The following ANKRD28 variants were observed in gnomAD, a reference collection of about 807,000 sequenced individuals.
The protein encoded by ANKRD28 is serine/threonine-protein phosphatase 6 regulatory ankyrin repeat subunit A.
Under a neutral mutation model 126.5 loss-of-function variants are expected in ANKRD28, and 44 were observed. The ratio of observed to expected loss-of-function variants is 0.35; its 90% CI spans 0.27 to 0.45. The LOEUF (loss-of-function observed/expected upper bound fraction) is 0.45, where lower values mean the gene tolerates loss of function less well. Ranked by LOEUF, ANKRD28 falls within the 20% of genes least tolerant of loss-of-function variation. The pLI is 1.00. For synonymous variants in ANKRD28, 442 were observed against 468.5 expected (o/e 0.94, Z 0.73); for missense variants, 1,110 against 1,316.6 (o/e 0.84, Z 2.43).
chr3:15,707,425 T>C (rs1362578917), intron 14 of ANKRD28, among the ~76,000 whole-genome samples: 1 of 152,230 alleles, frequency 6.6e-6, no homozygotes, highest in African/African-American at 2.4e-5. Context: ...AAGCAACATG[T>C]AGTACCTACT....
At chr3:15,713,447 C>G in intron 10 of ANKRD28, 80 bp downstream of exon 10, 3 of 1,053,600 alleles carry the variant, frequency 2.8e-6, no homozygotes, top group Non-Finnish European at 4.2e-6. Flanking sequence ...CACATTTCCA[C>G]GTGAAATGTC....
intron 17 of ANKRD28, among the ~76,000 whole-genome samples, chr3:15,691,055 TA>T (rs2068731597): frequency 6.6e-6 from 1 of 151,894 alleles, no homozygotes; most frequent in Admixed American, 6.6e-5. Context: ...CCTGCTTGAA[TA>T]TCACCACATA....
chr3:15,829,222 CT>C (rs2061135835), intron 1 of ANKRD28, among the ~76,000 whole-genome samples: 1 of 151,992 alleles, frequency 6.6e-6, no homozygotes, highest in Non-Finnish European at 1.5e-5. Flanking sequence ...ATATAAATAA[CT>C]TTATTAAAAT....
chr3:15,747,692 T>G (rs2057571497), intron 4 of ANKRD28, among the ~76,000 whole-genome samples: 1 of 152,242 alleles, frequency 6.6e-6, no homozygotes, highest in Non-Finnish European at 1.5e-5. Context: ...GACTGTTCTG[T>G]AAATATCTGT....
intron 1 of ANKRD28, among the ~76,000 whole-genome samples, chr3:15,822,083 C>T (rs577407442): frequency 7.2e-5 from 11 of 152,168 alleles, no homozygotes; most frequent in Non-Finnish European, 1.5e-4. Flanking sequence ...TAATAGAAAA[C>T]CTAGAGGCCA....
Position 15,814,323 on chromosome 3 carries a change from C to T in ANKRD28, c.28-19017G>A. ...CCAATCACAGGCCTGTAGCAGAAAACAGATATCAAAAGAAAGAATACGCTG... is the reference window on the plus strand; with the variant it reads ...CCAATCACAGGCCTGTAGCAGAAAATAGATATCAAAAGAAAGAATACGCTG... On this transcript the variant is annotated intron_variant, in intron 1 of 27. Coordinates refer to the ANKRD28 transcript ENST00000399451. The surrounding 1 kb of genome is among the most constrained non-coding windows in gnomAD (Gnocchi z 4.7). 4 of 1,269,240 alleles carry T rather than the reference C, an allele frequency of 3.2e-6. No individual in the cohort carries two copies. The highest frequency in any genetic ancestry group is 4.1e-6 in the Non-Finnish European group (4 of 979,520). The allele number at this position is 1,269,240 out of a possible 1,614,324, so 78.6% of individuals were successfully genotyped here. A position where few individuals can be genotyped will look rare whatever the true frequency, so the allele number is the denominator to read the frequency against.
chr3:15,795,216 G>C lies in ANKRD28; in HGVS notation c.201+7C>G. On this transcript the variant is annotated splice_region_variant and intron_variant, in intron 2 of 27. Transcript: ENST00000683139. ...AAAGGCTGGCATCAGTGAATTAACT[G>C]TTTTACCTGAAAGTTAACATCTTCT... 6.3e-7 allele frequency: 1 copy of C among 1,590,796 alleles called. No individual in the cohort carries two copies. The highest frequency in any genetic ancestry group is 8.6e-7 in the Non-Finnish European group (1 of 1,159,452).
At position 15,679,548 on chromosome 3, in the gene ANKRD28, A is replaced by G. The variant is rs1249098516; in HGVS notation, c.2405T>C (p.Val802Ala). 4.3e-6 allele frequency: 7 copies of G among 1,612,318 alleles called. No individual in the cohort carries two copies. The East Asian group carries it at 8.9e-5, about 21-fold the overall frequency. Residue 802 changes from valine (V) to alanine (A), a missense_variant, in exon 22 of 28, where the codon GTA becomes GCA. By Grantham distance (64) the Val-to-Ala change is moderately conservative. Transcript: ENST00000683139. ...AACTTCCTGTTCTAAAAGCAGTTCT[A>G]CACATGTCTCGTGACCTAAATAGGT... ...WACYNGHETC[V>A]ELLLEQEVFQ... is the part of the protein sequence containing the mutation.
chr3:15,836,753 T>G (rs1317257421), intron 1 of ANKRD28, among the ~76,000 whole-genome samples: 1 of 152,184 alleles, frequency 6.6e-6, no homozygotes, highest in Non-Finnish European at 1.5e-5. Context: ...ATTAATAGTA[T>G]TAATTCAACA....
chr3:15,749,586 C>A (rs1254467181), intron 4 of ANKRD28, among the ~76,000 whole-genome samples: 1 of 152,122 alleles, frequency 6.6e-6, no homozygotes, highest in African/African-American at 2.4e-5. Flanking sequence ...TGTCATATTA[C>A]CAGAATTGTT....
intron 1 of ANKRD28, among the ~76,000 whole-genome samples, chr3:15,824,481 G>C (rs765898287): frequency 5.3e-5 from 8 of 152,078 alleles, no homozygotes; most frequent in Non-Finnish European, 1.0e-4. Flanking sequence ...CAAACTATCA[G>C]AGCTAATGAA....
chr3:15,711,402 G>T, intron 11 of ANKRD28, 128 bp from the exon 12 acceptor site: 1 of 689,086 alleles, frequency 1.5e-6, no homozygotes, highest in Non-Finnish European at 2.4e-6. Context: ...TTAAGTGCTA[G>T]AGTGCCTGTT....
intron 9 of ANKRD28, 101 bp downstream of exon 9, chr3:15,714,477 T>A: frequency 1.2e-6 from 1 of 825,336 alleles, no homozygotes. Flanking sequence ...ATACACAAAA[T>A]GCGATGACAA....
At chr3:15,731,503 G>C (rs2074593404) in intron 6 of ANKRD28, among the ~76,000 whole-genome samples, 1 of 152,168 alleles carries the variant, frequency 6.6e-6, no homozygotes, top group East Asian at 1.9e-4. Context: ...GGGACCTTAA[G>C]ATGCAATACG....
At chr3:15,798,162 G>A (rs768029225), upstream of ANKRD28, 180 of 985,278 alleles carry the variant, frequency 1.8e-4, no homozygotes, top group Non-Finnish European at 2.1e-4. Flanking sequence ...GAAATCTGGT[G>A]TACTGCCTCT....
In ANKRD28 at chr3:15,714,669, G is replaced by C; in HGVS notation, c.997-13C>G. 2 of 1,568,536 alleles carry C rather than the reference G, an allele frequency of 1.3e-6. No homozygotes were observed. Among genetic ancestry groups the C allele is most frequent in the Non-Finnish European group, 1.7e-6 (2 of 1,161,840 alleles). On this transcript the variant is annotated splice_polypyrimidine_tract_variant and intron_variant, in intron 8 of 27. Transcript: ENST00000683139. Reference sequence around the variant, plus strand: ...TCCCATCTTTACTCTGGGGGGGGAAGAAAAAAATTACTCACTCTACTATAT... The same window carrying C: ...TCCCATCTTTACTCTGGGGGGGGAACAAAAAAATTACTCACTCTACTATAT...
In ANKRD28 at chr3:15,843,800, A is replaced by G. The variant is rs895185268; in HGVS notation, c.27+15577T>C. 6.6e-6 allele frequency among the ~76,000 whole-genome samples: 1 copy of G among 152,106 alleles called. No homozygotes were observed. The highest frequency in any genetic ancestry group is 6.5e-5 in the Admixed American group (1 of 15,278). On this transcript the variant is annotated intron_variant, in intron 1 of 27. Transcript: ENST00000399451. This position sits in a 1 kb window ranked among gnomAD's most constrained non-coding sequence, Gnocchi z 5.2. ...AAAAAAAAAAGAGGCAGAAATCAAAATGTAGAAATAAAACAATTTACAATA... is the reference window on the plus strand; with the variant it reads ...AAAAAAAAAAGAGGCAGAAATCAAAGTGTAGAAATAAAACAATTTACAATA...
At position 15,845,021 on chromosome 3, in the gene ANKRD28, C is replaced by G. The variant is rs1312867234; in HGVS notation, c.27+14356G>C. 6.6e-6 allele frequency among the ~76,000 whole-genome samples: 1 copy of G among 151,932 alleles called. No individual in the cohort carries two copies. Among genetic ancestry groups the G allele is most frequent in the Non-Finnish European group, 1.5e-5 (1 of 67,990 alleles). On this transcript the variant is annotated intron_variant, in intron 1 of 27. Transcript: ENST00000399451. This position sits in a 1 kb window ranked among gnomAD's most constrained non-coding sequence, Gnocchi z 4.9. ...ATATCTTACATGGCTGGAGCAGGAG[C>G]AAAATGGGGACACGGGGGTGCTAGG... is the stretch of plus-strand genomic sequence containing the variant.
chr3:15,689,101 C>T (rs1291506544), intron 18 of ANKRD28, among the ~76,000 whole-genome samples: 2 of 152,182 alleles, frequency 1.3e-5, no homozygotes, highest in African/African-American at 2.4e-5. Flanking sequence ...AGAATACAAT[C>T]ATTTTACCAC....
Sources: gnomAD v4.1 joint callset for allele counts (sites outside exome capture counted in the v4.1 genomes callset) on GRCh38, gnomAD v4.1.1 for gene constraint, Gnocchi (gnomAD v3.1) non-coding constraint, MANE v1.5 for transcripts, NCBI Gene and HGNC (gene_info 2026-07-23, HGNC 2026-07-21) for gene names.